Variants in RCOR1 observed in about 807,000 individuals in gnomAD.
RCOR1 encodes REST corepressor 1, also known as REST corepressor.
RCOR1 carries 12 observed loss-of-function variants against 64.0 expected under a neutral mutation model. That is an observed-to-expected ratio of 0.19 (90% CI 0.12 to 0.30). RCOR1 has a LOEUF of 0.30. RCOR1 is among the 10% of genes least tolerant of loss of function. RCOR1 has a pLI of 1.00. For missense variants in RCOR1, 502 were observed against 621.2 expected, an observed-to-expected ratio of 0.81 and a Z score of 2.04; for synonymous variants, 279 against 227.2, an observed-to-expected ratio of 1.23 and a Z score of -2.05.
chr14:102,720,963 T>C (rs773245401), intron 8 of RCOR1, 44 bp from the exon 9 acceptor site: 1 of 1,080,530 alleles, frequency 9.3e-7, no homozygotes, highest in Admixed American at 2.3e-5. Flanking sequence ...CATACCTTTA[T>C]ATAGTTTTTA....
chr14:102,728,481 GCTTTAGGTT>G lies in RCOR1; in HGVS notation c.*1978_*1986del, dbSNP rs1896313458. The G allele has an allele frequency of 3.3e-5, 5 of 152,328 alleles. No homozygotes were observed. The South Asian group carries it at 1.0e-3, about 32-fold the overall frequency. The allele number at this position is 152,328 out of a possible 1,614,324, so 9.4% of individuals were successfully genotyped here. A position where few individuals can be genotyped will look rare whatever the true frequency, so the allele number is the denominator to read the frequency against. ...AGGGTACACTAAGGTATGAGCTGAA[GCTTTAGGTT>G]CTCCGTGCTTCCCTCAAGACCTCCT... On this transcript the variant is annotated 3_prime_UTR_variant, in exon 12 of 12. Coordinates refer to ENST00000262241, the MANE Select transcript of RCOR1 (RefSeq NM_015156.4).
chr14:102,710,351 G>T (rs1208605798), intron 6 of RCOR1, among the ~76,000 whole-genome samples: 1 of 152,056 alleles, frequency 6.6e-6, no homozygotes, highest in Non-Finnish European at 1.5e-5. Flanking sequence ...CTACATTCAG[G>T]ATATTACAAA....
At chr14:102,614,477 G>A (rs1038487310) in intron 2 of RCOR1, among the ~76,000 whole-genome samples, 9 of 151,990 alleles carry the variant, frequency 5.9e-5, no homozygotes, top group Non-Finnish European at 1.2e-4. Flanking sequence ...GCCCGCCTCG[G>A]CCTCCCAAAG....
chr14:102,692,248 G>A (rs983063562), intron 3 of RCOR1, among the ~76,000 whole-genome samples: 6 of 152,194 alleles, frequency 3.9e-5, no homozygotes, highest in Non-Finnish European at 7.4e-5. Context: ...TTCAGCACAT[G>A]TAAAGCACAT....
intron 2 of RCOR1, among the ~76,000 whole-genome samples, chr14:102,671,865 A>C (rs1895037933): frequency 6.6e-6 from 1 of 152,248 alleles, no homozygotes; most frequent in South Asian, 2.1e-4. Context: ...AATGCCCTAC[A>C]GCCTCTGGCA....
At chr14:102,613,465 T>C (rs568413889) in intron 2 of RCOR1, among the ~76,000 whole-genome samples, 2 of 148,404 alleles carry the variant, frequency 1.3e-5, no homozygotes, top group African/African-American at 5.0e-5. Flanking sequence ...CGGAGTCTCG[T>C]TCTGTCGCCC....
chr14:102,609,037 T>A (rs1893573572), intron 2 of RCOR1, among the ~76,000 whole-genome samples: 1 of 150,512 alleles, frequency 6.6e-6, no homozygotes, highest in Non-Finnish European at 1.5e-5. Flanking sequence ...TTTTTTTTTT[T>A]TTTTTTTTTT....
At chr14:102,659,312 A>G (rs1894785886) in intron 2 of RCOR1, 4 of 973,592 alleles carry the variant, frequency 4.1e-6, no homozygotes, top group Admixed American at 1.2e-4. Context: ...AGCATTTATA[A>G]ATAGTGAGGT....
chr14:102,639,827 A>C (rs570079920), intron 2 of RCOR1, among the ~76,000 whole-genome samples: 3,531 of 113,412 alleles, frequency 0.031, 134 homozygotes, highest in African/African-American at 0.1. Context: ...CACTGAGCTC[A>C]GCCTATTCAT....
chr14:102,670,741 TTA>T (rs5811078), intron 2 of RCOR1, among the ~76,000 whole-genome samples: 45,429 of 146,624 alleles, frequency 0.31, 8,343 homozygotes, highest in African/African-American at 0.5. Flanking sequence ...GACAAGATTA[TTA>T]TATATATATA....
chr14:102,667,473 C>A (rs1024466985), intron 2 of RCOR1, among the ~76,000 whole-genome samples: 6 of 151,864 alleles, frequency 4.0e-5, no homozygotes, highest in African/African-American at 1.2e-4. Context: ...TGTGCTCCAG[C>A]CTTGGCAACA....
intron 2 of RCOR1, among the ~76,000 whole-genome samples, chr14:102,595,993 G>T (rs1893234043): frequency 6.6e-6 from 1 of 152,068 alleles, no homozygotes; most frequent in Non-Finnish European, 1.5e-5. Flanking sequence ...TCTAGATATG[G>T]CAGAAAATTG....
chr14:102,676,343 ACC>A (rs35475812), intron 2 of RCOR1, among the ~76,000 whole-genome samples: 1 of 120,626 alleles, frequency 8.3e-6, no homozygotes, highest in Admixed American at 8.0e-5. Flanking sequence ...CGGGGGGCTG[ACC>A]CCCCCACCAC....
intron 2 of RCOR1, among the ~76,000 whole-genome samples, chr14:102,644,536 C>G (rs1361590599): frequency 6.6e-6 from 1 of 152,184 alleles, no homozygotes; most frequent in African/African-American, 2.4e-5. Flanking sequence ...CTCACACCCT[C>G]TCCCATCACA....
intron 3 of RCOR1, among the ~76,000 whole-genome samples, chr14:102,690,710 C>T (rs1306604858): frequency 6.6e-6 from 1 of 152,216 alleles, no homozygotes; most frequent in East Asian, 1.9e-4. Context: ...CCTTCTTTGA[C>T]CACACAAACC....
intron 2 of RCOR1, among the ~76,000 whole-genome samples, chr14:102,597,943 C>T (rs1444590890): frequency 6.6e-6 from 1 of 152,124 alleles, no homozygotes; most frequent in Admixed American, 6.6e-5. Context: ...CTGCCTCAGC[C>T]TCCCGAGTAG....
At chr14:102,634,810 CCTCAGCCTCCTGA>C (rs1374699804) in intron 2 of RCOR1, among the ~76,000 whole-genome samples, 1 of 151,740 alleles carries the variant, frequency 6.6e-6, no homozygotes, top group Non-Finnish European at 1.5e-5. Flanking sequence ...GATTCTCCTG[CCTCAGCCTCCTGA>C]GTAGCTGGAA....
chr14:102,642,811 T>A (rs1189229369), intron 2 of RCOR1, among the ~76,000 whole-genome samples: 1 of 152,174 alleles, frequency 6.6e-6, no homozygotes, highest in Non-Finnish European at 1.5e-5. Flanking sequence ...CACTCCAGCC[T>A]AGGTGACAGA....
chr14:102,657,775 T>C (rs1894755083), intron 2 of RCOR1: 2 of 622,410 alleles, frequency 3.2e-6, no homozygotes, highest in Non-Finnish European at 4.0e-6. Context: ...GAGGCGGAGG[T>C]TGCAGTGAGC....
Sources: allele counts gnomAD v4.1 joint callset (sites outside exome capture counted in the v4.1 genomes callset), GRCh38; gene constraint gnomAD v4.1.1; transcripts MANE v1.5; gene names NCBI Gene and HGNC (gene_info 2026-07-23, HGNC 2026-07-21).